MEPE: variants seen among roughly 807,000 people sequenced by gnomAD.
MEPE encodes the protein matrix extracellular phosphoglycoprotein, also known as matrix, extracellular phosphoglycoprotein with ASARM motif (bone).
MEPE carries 7 observed loss-of-function variants against 7.3 expected under a neutral mutation model. That is an observed-to-expected ratio of 0.95 (90% confidence interval 0.54 to 1.79). The LOEUF (loss-of-function observed/expected upper bound fraction) is 1.79, where lower values mean the gene tolerates loss of function less well. MEPE is among the 40% of genes most tolerant of loss of function. The probability of loss-of-function intolerance (pLI) is 0.00; values close to 1 mark genes in which losing one functional copy is unlikely to be tolerated. For missense variants in MEPE, 623 were observed against 628.2 expected (o/e 0.99, Z 0.09); for synonymous variants, 214 against 213.1 (o/e 1.00, Z -0.04).
At chr4:87,843,784 T>C (rs1295856542) in intron 3 of MEPE, among the ~76,000 whole-genome samples, 1 of 152,188 alleles carries the variant, frequency 6.6e-6, no homozygotes, top group Non-Finnish European at 1.5e-5. Context: ...CTCCCCCTCC[T>C]TCTCCCTCTA....
At chr4:87,841,855 A>G (rs1723028477) in intron 3 of MEPE, among the ~76,000 whole-genome samples, 1 of 152,208 alleles carries the variant, frequency 6.6e-6, no homozygotes, top group South Asian at 2.1e-4. Context: ...TACAACCAAT[A>G]TTAGAGAAGT....
intron 2 of MEPE, 150 bp downstream of exon 2, chr4:87,834,918 A>C: frequency 1.7e-6 from 1 of 604,164 alleles, no homozygotes; most frequent in Non-Finnish European, 2.8e-6. Flanking sequence ...TCTAGCACTT[A>C]ACACTCTTAA....
intron 2 of MEPE, among the ~76,000 whole-genome samples, 175 bp from the exon 3 acceptor site, chr4:87,838,457 T>C (rs1338211927): frequency 1.3e-5 from 2 of 152,320 alleles, no homozygotes; most frequent in East Asian, 3.9e-4. Flanking sequence ...TTTCGTAATA[T>C]TGAAACAAAT....
In MEPE at chr4:87,826,608, C is replaced by T. The variant is rs773521926; in HGVS notation, c.-13+5137C>T. Among the ~76,000 whole-genome samples, 3 of 152,122 alleles carry T rather than the reference C, an allele frequency of 2.0e-5. No homozygotes were observed. The East Asian group carries it at 5.8e-4, about 29-fold the overall frequency. On this transcript the variant is annotated intron_variant, in intron 1 of 3. Coordinates refer to the MEPE transcript ENST00000424957. ...GTTAACTAATTTATACTCCCACCAA[C>T]AGTGTAAAAGCATTCCTTTTTATCT...
chr4:87,842,921 C>T (rs1723069188), intron 3 of MEPE, among the ~76,000 whole-genome samples: 1 of 152,158 alleles, frequency 6.6e-6, no homozygotes, highest in African/African-American at 2.4e-5. Context: ...ACACTAAGAG[C>T]CTGTGATACC....
At chr4:87,827,447 G>A (rs921412378) in intron 1 of MEPE, among the ~76,000 whole-genome samples, 1 of 152,174 alleles carries the variant, frequency 6.6e-6, no homozygotes, top group Non-Finnish European at 1.5e-5. Context: ...AATTTGGTAA[G>A]AAAATATTAA....
Position 87,845,762 on chromosome 4 carries a change from A to T in MEPE, c.894A>T (p.Thr298=), listed in dbSNP as rs1322391960. The T allele has an allele frequency of 1.2e-6, 2 of 1,614,002 alleles. No individual in the cohort carries two copies. Among genetic ancestry groups the T allele is most frequent in the Non-Finnish European group, 1.7e-6 (2 of 1,179,924 alleles). Reference sequence around the variant, plus strand: ...AAGCTGAGAGTACTCATCTTGACACAAAAAAGCCAGGTTATAATGAGATCC... The same window carrying T: ...AAGCTGAGAGTACTCATCTTGACACTAAAAAGCCAGGTTATAATGAGATCC... ...PSEAESTHLD[T]KKPGYNEIPE... The change falls in exon 4 of 4, where the codon ACA becomes ACT. Residue 298 remains threonine, a synonymous_variant. Coordinates refer to ENST00000361056, the MANE Select transcript of MEPE (RefSeq NM_020203.6).
At chr4:87,835,430 C>T (rs1328681300) in intron 2 of MEPE, among the ~76,000 whole-genome samples, 1 of 152,176 alleles carries the variant, frequency 6.6e-6, no homozygotes, top group Non-Finnish European at 1.5e-5. Flanking sequence ...AATGCAGACA[C>T]AGTGCTAATT....
intron 3 of MEPE, chr4:87,839,827 T>C: frequency 1.3e-6 from 2 of 1,542,794 alleles, no homozygotes; most frequent in Non-Finnish European, 1.8e-6. Flanking sequence ...AACTCTGGAC[T>C]AGCCCTAGAG....
In MEPE at chr4:87,845,925, A is replaced by G; in HGVS notation, c.1057A>G (p.Arg353Gly). 1.2e-6 allele frequency: 2 copies of G among 1,614,030 alleles called. No homozygotes were observed. The highest frequency in any genetic ancestry group is 2.2e-5 in the South Asian group (2 of 91,074). The change falls in exon 4 of 4, where the codon AGA becomes GGA. Residue 353 changes from arginine (R) to glycine (G), a missense_variant. Transcript: ENST00000361056. ...GSTNFKELPG[R>G]EGNRVDAGSQ... ...TACCAATTTTAAGGAGCTCCCTGGA[A>G]GAGAAGGAAACAGAGTGGATGCTGG... is the stretch of plus-strand genomic sequence containing the variant.
chr4:87,839,674 T>C (rs1340206476), intron 3 of MEPE: 1 of 1,540,772 alleles, frequency 6.5e-7, no homozygotes, highest in Non-Finnish European at 8.8e-7. Flanking sequence ...TATAATGTTG[T>C]GTTTTTGTAG....
Position 87,843,369 on chromosome 4 carries a change from T to TTAG in MEPE, c.109-1608_109-1607insTAG, listed in dbSNP as rs538190731. On this transcript the variant is annotated intron_variant, in intron 3 of 3. Coordinates refer to ENST00000361056, the MANE Select transcript of MEPE (RefSeq NM_020203.6). ...TCTGTGCAGACCTAATTGGATATGA[T>TTAG]GTCTCTGCCTCACAGACCTTCCCCC... is the stretch of plus-strand genomic sequence containing the variant. Among the ~76,000 whole-genome samples the TTAG allele has an allele frequency of 2.3e-4, 35 of 152,328 alleles. No individual in the cohort carries two copies. The South Asian group carries it at 6.8e-3, about 30-fold the overall frequency.
upstream of MEPE, among the ~76,000 whole-genome samples, chr4:87,830,956 A>G (rs1722583700): frequency 6.6e-6 from 1 of 152,144 alleles, no homozygotes; most frequent in Non-Finnish European, 1.5e-5. Flanking sequence ...ATAAATTGAC[A>G]GTTTACACTT....
intron 3 of MEPE, among the ~76,000 whole-genome samples, chr4:87,840,850 A>G (rs1460770616): frequency 6.6e-6 from 1 of 152,194 alleles, no homozygotes; most frequent in African/African-American, 2.4e-5. Flanking sequence ...GCCGTTCTCC[A>G]TGAAAAAACT....
At chr4:87,835,007 T>A (rs976043814) in intron 2 of MEPE, among the ~76,000 whole-genome samples, 7 of 152,208 alleles carry the variant, frequency 4.6e-5, no homozygotes, top group Non-Finnish European at 1.0e-4. Flanking sequence ...AAAAACAGAT[T>A]TTTTGAGAAA....
chr4:87,837,723 T>C (rs1259810713), intron 2 of MEPE: 1 of 152,222 alleles, frequency 6.6e-6, no homozygotes, highest in Non-Finnish European at 1.5e-5. Context: ...AGTCCGCCCA[T>C]TGGTTCCCAG....
In MEPE at chr4:87,845,771, A is replaced by T. The variant is rs749244643; in HGVS notation, c.903A>T (p.Pro301=). The T allele has an allele frequency of 6.8e-6, 11 of 1,614,010 alleles. No homozygotes were observed. In the South Asian group the frequency reaches 1.2e-4, roughly 18 times the overall value. ...AESTHLDTKK[P]GYNEIPEREE... Reference sequence around the variant, plus strand: ...GTACTCATCTTGACACAAAAAAGCCAGGTTATAATGAGATCCCAGAGAGAG... The same window carrying T: ...GTACTCATCTTGACACAAAAAAGCCTGGTTATAATGAGATCCCAGAGAGAG... Residue 301 remains proline (P), a synonymous_variant, in exon 4 of 4, where the codon CCA becomes CCT. Coordinates refer to ENST00000361056, the MANE Select transcript of MEPE (RefSeq NM_020203.6).
At chr4:87,842,753 G>A (rs1000964286) in intron 3 of MEPE, among the ~76,000 whole-genome samples, 1 of 152,122 alleles carries the variant, frequency 6.6e-6, no homozygotes, top group Non-Finnish European at 1.5e-5. Context: ...CAGGAAAAAT[G>A]GATACTAGTT....
At chr4:87,844,638 T>C (rs1723139169) in intron 3 of MEPE, among the ~76,000 whole-genome samples, 1 of 152,150 alleles carries the variant, frequency 6.6e-6, no homozygotes, top group African/African-American at 2.4e-5. Context: ...CCATTTTACT[T>C]GCAATGACTC....
Sources: allele counts gnomAD v4.1 joint callset (sites outside exome capture counted in the v4.1 genomes callset), GRCh38; gene constraint gnomAD v4.1.1; transcripts MANE v1.5; gene names NCBI Gene and HGNC (gene_info 2026-07-23, HGNC 2026-07-21).